DISC1: variants seen among roughly 807,000 people sequenced by gnomAD.
DISC1 encodes the protein DISC1 scaffold protein.
A neutral mutation model predicts 84.5 loss-of-function variants in DISC1; 57 were observed. That is an observed-to-expected ratio of 0.67 (90% CI 0.55 to 0.84). DISC1 has a LOEUF of 0.84. DISC1 is among the 40% of genes least tolerant of loss of function. The pLI, the probability that DISC1 is intolerant of heterozygous loss-of-function variation, is 0.00. For synonymous variants in DISC1, 411 were observed against 415.2 expected (o/e 0.99, Z 0.12); for missense variants, 1,000 against 1,057.8 (o/e 0.95, Z 0.76).
chr1:231,981,964 G>A (rs573519988), intron 10 of DISC1, among the ~76,000 whole-genome samples: 82 of 152,266 alleles, frequency 5.4e-4, no homozygotes, highest in Non-Finnish European at 8.8e-4. Flanking sequence ...GAGGTTTGAT[G>A]AAAAGCAGTG....
chr1:231,877,719 A>T (rs1456370605), intron 9 of DISC1, among the ~76,000 whole-genome samples: 1 of 152,236 alleles, frequency 6.6e-6, no homozygotes, highest in Non-Finnish European at 1.5e-5. Context: ...CTATTGGTGG[A>T]ACATATATGT....
At chr1:231,814,568 A>G (rs542070102) in intron 8 of DISC1, among the ~76,000 whole-genome samples, 1 of 152,272 alleles carries the variant, frequency 6.6e-6, no homozygotes, top group Non-Finnish European at 1.5e-5. Context: ...TTTGGACTCA[A>G]TGTTGTCGAG....
At chr1:232,003,444 A>G (rs1666961035) in intron 10 of DISC1, among the ~76,000 whole-genome samples, 1 of 152,160 alleles carries the variant, frequency 6.6e-6, no homozygotes, top group South Asian at 2.1e-4. Flanking sequence ...TAGGTATCTA[A>G]CATCATAATC....
intron 4 of DISC1, among the ~76,000 whole-genome samples, chr1:231,765,521 T>G (rs2076110156): frequency 6.6e-6 from 1 of 152,144 alleles, no homozygotes; most frequent in Non-Finnish European, 1.5e-5. Context: ...CGTTCGCCTA[T>G]TAGTTTTAGT....
At chr1:231,892,152 A>G (rs1016852795) in intron 9 of DISC1, among the ~76,000 whole-genome samples, 2 of 152,216 alleles carry the variant, frequency 1.3e-5, no homozygotes, top group African/African-American at 4.8e-5. Flanking sequence ...ACACCTGGGA[A>G]TGGCCACATA....
chr1:231,997,265 T>C (rs991340926), intron 10 of DISC1, among the ~76,000 whole-genome samples: 4 of 152,228 alleles, frequency 2.6e-5, no homozygotes, highest in African/African-American at 7.2e-5. Flanking sequence ...CCAGTCATTA[T>C]ACTGCAGAAA....
intron 9 of DISC1, among the ~76,000 whole-genome samples, chr1:231,955,197 G>A (rs1659219209): frequency 6.6e-6 from 1 of 152,158 alleles, no homozygotes; most frequent in Admixed American, 6.5e-5. Context: ...GATCAGCAAG[G>A]GCTTCTTAAG....
intron 9 of DISC1, among the ~76,000 whole-genome samples, chr1:231,862,010 T>C (rs59721843): frequency 0.052 from 7,979 of 152,280 alleles, 692 homozygotes; most frequent in African/African-American, 0.18. Context: ...CTGTGGCTGA[T>C]TTCCAGCTAT....
At position 232,009,564 on chromosome 1, in the gene DISC1, A is replaced by G; in HGVS notation, c.2307+515A>G. On this transcript the variant is annotated intron_variant, in intron 11 of 12. Coordinates refer to ENST00000439617, the MANE Select transcript of DISC1 (RefSeq NM_018662.3). This position sits in a 1 kb window ranked among gnomAD's most constrained non-coding sequence, Gnocchi z 4.6. ...ATTGTTTTTACCAAAACCAGATCAT[A>G]ATGAATGTTTATAATGTTCTTCTTT... The G allele has an allele frequency of 1.1e-6, 1 of 920,678 alleles. No homozygotes were observed. Among genetic ancestry groups the G allele is most frequent in the Non-Finnish European group, 1.3e-6 (1 of 771,158 alleles). The allele number at this position is 920,678 out of a possible 1,614,324, so 57.0% of individuals were successfully genotyped here.
chr1:231,654,375 A>G (rs1286965253), intron 1 of DISC1, among the ~76,000 whole-genome samples: 1 of 152,080 alleles, frequency 6.6e-6, no homozygotes, highest in Admixed American at 6.5e-5. Flanking sequence ...ATGGGGTACA[A>G]TGTGAAGCTT....
At chr1:231,851,947 A>G (rs2083931111) in intron 9 of DISC1, among the ~76,000 whole-genome samples, 1 of 152,174 alleles carries the variant, frequency 6.6e-6, no homozygotes, top group Non-Finnish European at 1.5e-5. Context: ...AAGGGCTCAC[A>G]CACTCTCCTT....
At chr1:231,683,529 T>C (rs1480602015) in intron 1 of DISC1, among the ~76,000 whole-genome samples, 3 of 148,982 alleles carry the variant, frequency 2.0e-5, no homozygotes, top group Non-Finnish European at 4.5e-5. Flanking sequence ...GGGATCAAGC[T>C]ATCCTCCTGG....
chr1:231,942,713 T>A (rs1285942124), intron 9 of DISC1, among the ~76,000 whole-genome samples: 3 of 152,106 alleles, frequency 2.0e-5, no homozygotes, highest in Non-Finnish European at 4.4e-5. Flanking sequence ...GAAAACGCCA[T>A]GGCCAGAGGC....
intron 9 of DISC1, among the ~76,000 whole-genome samples, chr1:231,908,660 T>G (rs901307488): frequency 1.3e-5 from 2 of 152,218 alleles, no homozygotes; most frequent in African/African-American, 4.8e-5. Flanking sequence ...TGGGCTCCTT[T>G]TTGGTTCCAT....
chr1:231,697,312 G>A (rs969164275), intron 2 of DISC1, among the ~76,000 whole-genome samples: 1 of 152,168 alleles, frequency 6.6e-6, no homozygotes, highest in South Asian at 2.1e-4. Flanking sequence ...AGGAATTTAA[G>A]TTTCAGCTTC....
rs77857607 is a variant in DISC1, at chr1:231,887,977, A to C, written c.1981+69460A>C. Among the ~76,000 whole-genome samples the C allele has an allele frequency of 3.0e-3, 462 of 152,358 alleles. 3 individuals are homozygous for C. Among genetic ancestry groups the C allele is most frequent in the African/African-American group, 0.011 (450 of 41,584 alleles). On this transcript the variant is annotated intron_variant, in intron 9 of 12. Coordinates refer to ENST00000439617, the MANE Select transcript of DISC1 (RefSeq NM_018662.3). ...ACCAACATGGATAAATCTCCTATAA[A>C]TCTCATCATGTCAGCGAGCAAAGCA...
chr1:231,748,826 G>A (rs141779367), intron 3 of DISC1, among the ~76,000 whole-genome samples: 1 of 152,300 alleles, frequency 6.6e-6, no homozygotes, highest in East Asian at 1.9e-4. Flanking sequence ...TTCTTTAAAG[G>A]TTCAACAGAG....
intron 9 of DISC1, among the ~76,000 whole-genome samples, chr1:231,898,077 G>A (rs2087849013): frequency 6.6e-6 from 1 of 152,316 alleles, no homozygotes; most frequent in East Asian, 1.9e-4. Context: ...ACAGCAAGAT[G>A]TAATCAAGTG....
chr1:231,656,686 A>G (rs1302809667), intron 1 of DISC1, among the ~76,000 whole-genome samples: 2 of 152,200 alleles, frequency 1.3e-5, no homozygotes, highest in Non-Finnish European at 2.9e-5. Flanking sequence ...TTACACAAGT[A>G]AACGTGTGCC....
Sources: allele counts gnomAD v4.1 joint callset (sites outside exome capture counted in the v4.1 genomes callset), GRCh38; gene constraint gnomAD v4.1.1; non-coding constraint Gnocchi (gnomAD v3.1); transcripts MANE v1.5; gene names NCBI Gene and HGNC (gene_info 2026-07-23, HGNC 2026-07-21).